The following CLCN5 variants were observed in gnomAD, a reference collection of about 807,000 sequenced individuals.
CLCN5 encodes the protein Cl-/H+ antiporter 5, also known as H(+)/Cl(-) exchange transporter 5.
CLCN5 carries 17 observed loss-of-function variants against 54.0 expected under a neutral mutation model. That is an observed-to-expected ratio of 0.31 (90% CI 0.22 to 0.47). The LOEUF (loss-of-function observed/expected upper bound fraction) is 0.47. Among genes scored for constraint, CLCN5 ranks in the 20% least tolerant of loss-of-function variants. The pLI is 1.00. For synonymous variants in CLCN5, 222 were observed against 233.0 expected (o/e 0.95, Z 0.43); for missense variants, 448 against 646.7 (o/e 0.69, Z 3.33).
intron 4 of CLCN5, among the ~76,000 whole-genome samples, chrX:50,052,707 C>A (rs782681747): frequency 5.2e-4 from 58 of 110,723 alleles, no homozygotes; most frequent in Non-Finnish European, 1.1e-3. Context: ...ATTTTTGATT[C>A]AATAATAATA....
intron 3 of CLCN5, among the ~76,000 whole-genome samples, chrX:50,035,804 G>A (rs1931967962): frequency 8.9e-6 from 1 of 112,277 alleles, no homozygotes; most frequent in African/African-American, 3.2e-5. Flanking sequence ...TACGCATGGG[G>A]AACCAGCTTA....
chrX:49,926,897 G>A (rs1925373393), intron 3 of CLCN5, among the ~76,000 whole-genome samples: 1 of 102,209 alleles, frequency 9.8e-6, no homozygotes, highest in Non-Finnish European at 1.9e-5. Flanking sequence ...AGAAGCAGGG[G>A]CAGTAAGGTT....
intron 12 of CLCN5, among the ~76,000 whole-genome samples, 170 bp downstream of exon 12, chrX:50,089,054 A>G (rs1557194399): frequency 9.0e-6 from 1 of 110,794 alleles, no homozygotes; most frequent in African/African-American, 3.4e-5. Flanking sequence ...GAGGAAACTA[A>G]AAAAAATAAA....
chrX:49,951,499 A>G (rs1213449284), intron 3 of CLCN5, among the ~76,000 whole-genome samples: 1 of 112,294 alleles, frequency 8.9e-6, no homozygotes, highest in African/African-American at 3.2e-5. Context: ...GGCTCATATA[A>G]AAATCAGTGA....
intron 4 of CLCN5, among the ~76,000 whole-genome samples, chrX:50,064,530 AAC>A (rs1932931421): frequency 1.1e-5 from 1 of 91,069 alleles, no homozygotes; most frequent in African/African-American, 4.2e-5. Context: ...CAAATGGAAG[AAC>A]ATTCCATGCT....
At chrX:50,080,335 G>T (rs781855774) in intron 7 of CLCN5, among the ~76,000 whole-genome samples, 4 of 111,557 alleles carry the variant, frequency 3.6e-5, no homozygotes, top group Non-Finnish European at 7.5e-5. Context: ...ATGGTTTTCC[G>T]TTTGCTCTTT....
At chrX:49,936,372 G>C (rs919770448) in intron 3 of CLCN5, among the ~76,000 whole-genome samples, 1 of 111,512 alleles carries the variant, frequency 9.0e-6, no homozygotes, top group African/African-American at 3.3e-5. Context: ...TATGGGTAGT[G>C]GTGCCAGGAG....
intron 3 of CLCN5, among the ~76,000 whole-genome samples, chrX:49,961,328 T>C (rs1298874463): frequency 8.9e-6 from 1 of 112,268 alleles, no homozygotes; most frequent in Non-Finnish European, 1.9e-5. Context: ...CTGTGTGACA[T>C]ACACTGTGAT....
At chrX:50,089,044 G>A (rs1177584695) in intron 12 of CLCN5, among the ~76,000 whole-genome samples, 160 bp downstream of exon 12, 1 of 111,319 alleles carries the variant, frequency 9.0e-6, no homozygotes, top group Non-Finnish European at 1.9e-5. Flanking sequence ...GTATACAGAT[G>A]AGGAAACTAA....
chrX:49,937,945 G>T (rs1926088166), intron 3 of CLCN5, among the ~76,000 whole-genome samples: 1 of 111,044 alleles, frequency 9.0e-6, no homozygotes, highest in Admixed American at 9.6e-5. Context: ...AAATTCTTAA[G>T]GCCCCTTCTA....
At chrX:49,927,151 TG>T (rs1314208263) in intron 3 of CLCN5, among the ~76,000 whole-genome samples, 2 of 111,753 alleles carry the variant, frequency 1.8e-5, no homozygotes, top group Non-Finnish European at 3.8e-5. Flanking sequence ...TTGGCACAGA[TG>T]GGGATCTAAA....
At chrX:50,064,825 G>A (rs1163414110) in intron 4 of CLCN5, among the ~76,000 whole-genome samples, 2 of 95,745 alleles carry the variant, frequency 2.1e-5, no homozygotes, top group Admixed American at 2.2e-4. Context: ...ATAGATCAAT[G>A]GAACAGAACA....
intron 3 of CLCN5, among the ~76,000 whole-genome samples, chrX:49,980,529 TGAAA>T (rs1334333691): frequency 7.2e-5 from 8 of 111,538 alleles, no homozygotes; most frequent in Admixed American, 9.5e-5. Context: ...TAAAAAAATC[TGAAA>T]GAAACTGAAC....
chrX:49,969,812 A>G lies in CLCN5; in HGVS notation c.16+44498A>G, dbSNP rs181808947. 1.1e-4 allele frequency among the ~76,000 whole-genome samples: 12 copies of G among 112,024 alleles called. 1 individual carries two copies. The East Asian group carries it at 2.8e-3, about 26-fold the overall frequency. ...TTGCCAGTATTTTTTAAAGTCTTCT[A>G]TATCCTGATTTTCTTCTATCAATTA... On this transcript the variant is annotated intron_variant, in intron 3 of 14. Transcript: ENST00000376091.
chrX:49,997,278 A>G (rs192071715), intron 3 of CLCN5, among the ~76,000 whole-genome samples: 1 of 111,362 alleles, frequency 9.0e-6, no homozygotes, highest in African/African-American at 3.3e-5. Flanking sequence ...CTTACTCCAG[A>G]AGTCATTGAA....
chrX:50,091,533 G>A (rs1268104268), intron 14 of CLCN5, among the ~76,000 whole-genome samples: 2 of 111,986 alleles, frequency 1.8e-5, no homozygotes, highest in Non-Finnish European at 3.8e-5. Flanking sequence ...ATGCCTTGCA[G>A]GATTTAAATC....
chrX:49,937,584 T>C (rs1342256195), intron 3 of CLCN5, among the ~76,000 whole-genome samples: 4 of 112,016 alleles, frequency 3.6e-5, no homozygotes, highest in African/African-American at 9.7e-5. Context: ...TAAAGCGTAA[T>C]GCTAAGAAAA....
intron 7 of CLCN5, among the ~76,000 whole-genome samples, chrX:50,079,194 C>T (rs781890619): frequency 9.0e-6 from 1 of 111,408 alleles, no homozygotes; most frequent in Non-Finnish European, 1.9e-5. Context: ...CATTTCCTAC[C>T]TCTGCAGTCT....
chrX:49,935,691 G>A (rs781999148), intron 3 of CLCN5, among the ~76,000 whole-genome samples: 11 of 111,492 alleles, frequency 9.9e-5, no homozygotes, highest in Non-Finnish European at 1.9e-4. Context: ...AGAGTTGGGG[G>A]AACAGCATCC....
Sources: gnomAD v4.1 joint callset for allele counts (sites outside exome capture counted in the v4.1 genomes callset) on GRCh38, gnomAD v4.1.1 for gene constraint, MANE v1.5 for transcripts, NCBI Gene and HGNC (gene_info 2026-07-23, HGNC 2026-07-21) for gene names.